Variants in OSBPL2 observed in about 807,000 individuals in gnomAD.
OSBPL2 encodes oxysterol binding protein like 2.
In OSBPL2, 18 loss-of-function variants were observed where a neutral mutation model predicts 58.4. The observed-to-expected ratio is 0.31, with a 90% CI of 0.21 to 0.46. The LOEUF (loss-of-function observed/expected upper bound fraction) is 0.46, where lower values mean the gene tolerates loss of function less well. Ranked by LOEUF, OSBPL2 falls within the 20% of genes least tolerant of loss-of-function variation. The pLI, the probability that OSBPL2 is intolerant of heterozygous loss-of-function variation, is 1.00. For missense variants in OSBPL2, 461 were observed against 616.5 expected, an observed-to-expected ratio of 0.75 and a Z score of 2.67; for synonymous variants, 221 against 234.1, an observed-to-expected ratio of 0.94 and a Z score of 0.51.
chr20:62,281,667 C>A (rs532070147), intron 8 of OSBPL2, 123 bp from the exon 9 acceptor site: 28 of 671,526 alleles, frequency 4.2e-5, no homozygotes, highest in South Asian at 4.0e-4. Context: ...AGGCCCACCA[C>A]ACCCATTTGC....
At chr20:62,286,519 G>C in intron 10 of OSBPL2, 64 bp from the exon 11 acceptor site, 1 of 1,560,414 alleles carries the variant, frequency 6.4e-7, no homozygotes, top group South Asian at 1.2e-5. Context: ...TCTGAGAATA[G>C]CTGTCCTCCT....
intron 11 of OSBPL2, 71 bp downstream of exon 11, chr20:62,286,782 G>GCTCT: frequency 6.5e-7 from 1 of 1,532,932 alleles, no homozygotes; most frequent in Non-Finnish European, 8.8e-7. Context: ...CAGCCCCACG[G>GCTCT]CTCTTCCCTG....
chr20:62,281,689 G>C (rs746524894), intron 8 of OSBPL2, 101 bp from the exon 9 acceptor site: 33 of 808,522 alleles, frequency 4.1e-5, no homozygotes, highest in Non-Finnish European at 6.2e-5. Context: ...GTCACCCCCC[G>C]CCTGCCCCAG....
At chr20:62,258,528 C>A (rs1258676533) in intron 2 of OSBPL2, among the ~76,000 whole-genome samples, 2 of 152,212 alleles carry the variant, frequency 1.3e-5, no homozygotes, top group African/African-American at 4.8e-5. Flanking sequence ...TCCGAGGGAG[C>A]CGACGATAGG....
At chr20:62,239,388 G>A (rs1237082113) in intron 1 of OSBPL2, among the ~76,000 whole-genome samples, 2 of 152,126 alleles carry the variant, frequency 1.3e-5, no homozygotes, top group Non-Finnish European at 2.9e-5. Context: ...CTGTTAGGTC[G>A]TCACAGCACC....
chr20:62,279,607 A>G lies in OSBPL2; in HGVS notation c.674+268A>G, dbSNP rs4925365. ...CCAGGGTCCCATGTTGCTGGGGTGC[A>G]TCCTCACGTCTGCAGTTGGAACTCA... On this transcript the variant is annotated intron_variant, in intron 7 of 13. Transcript: ENST00000313733. 513,596 of 518,650 alleles carry G rather than the reference A, an allele frequency of 0.99. 254,419 individuals carry two copies. The highest frequency in any genetic ancestry group is 1 in the Non-Finnish European group (289,690 of 290,016). The allele number at this position is 518,650 out of a possible 1,614,324, so 32.1% of individuals were successfully genotyped here. A position where few individuals can be genotyped will look rare whatever the true frequency, so the allele number is the denominator to read the frequency against.
At chr20:62,261,726 G>A (rs1283030062) in intron 3 of OSBPL2, among the ~76,000 whole-genome samples, 1 of 152,084 alleles carries the variant, frequency 6.6e-6, no homozygotes, top group African/African-American at 2.4e-5. Flanking sequence ...CTGCATCCCT[G>A]CCTTTTATTC....
chr20:62,271,980 A>T, intron 4 of OSBPL2, 145 bp from the exon 5 acceptor site: 1 of 848,736 alleles, frequency 1.2e-6, no homozygotes, highest in South Asian at 1.6e-5. Flanking sequence ...TGGGGCAGGG[A>T]GTGGCTCACC....
At chr20:62,274,736 G>C (rs1282959598) in intron 6 of OSBPL2, among the ~76,000 whole-genome samples, 1 of 152,256 alleles carries the variant, frequency 6.6e-6, no homozygotes, top group Non-Finnish European at 1.5e-5. Context: ...GAGGGGCGTG[G>C]GTGGTTATCT....
chr20:62,257,553 G>A (rs373100050), intron 2 of OSBPL2, among the ~76,000 whole-genome samples: 24 of 152,254 alleles, frequency 1.6e-4, no homozygotes, highest in African/African-American at 5.3e-4. Flanking sequence ...ACACAGCGGA[G>A]GGATTGTCAG....
At chr20:62,251,400 A>G (rs1269982538) in intron 1 of OSBPL2, among the ~76,000 whole-genome samples, 2 of 130,694 alleles carry the variant, frequency 1.5e-5, no homozygotes, top group Non-Finnish European at 3.2e-5. Context: ...TATTCATACT[A>G]TCGTGACTTT....
chr20:62,255,428 A>C (rs1980856011), intron 1 of OSBPL2, among the ~76,000 whole-genome samples: 1 of 152,114 alleles, frequency 6.6e-6, no homozygotes, highest in Admixed American at 6.5e-5. Context: ...GACTTTTCCC[A>C]AATTAATGTT....
intron 11 of OSBPL2, among the ~76,000 whole-genome samples, chr20:62,287,247 A>G (rs1296504651): frequency 2.0e-5 from 3 of 152,244 alleles, no homozygotes; most frequent in South Asian, 4.1e-4. Flanking sequence ...ATATATGGTT[A>G]TATGATAAAT....
intron 10 of OSBPL2, chr20:62,285,057 C>T (rs1168235494): frequency 6.6e-6 from 1 of 152,148 alleles, no homozygotes; most frequent in Admixed American, 6.5e-5. Context: ...AAGAGGTGTC[C>T]TATTTTCTAC....
chr20:62,291,714 C>T lies in OSBPL2; in HGVS notation c.1261C>T (p.Gln421Ter). Reference sequence around the variant, plus strand: ...TGCTTGGATCCTAGATCTGGCCAGCCAGGAGAAGGAGCGGCTGGAGGAGAA... The same window carrying T: ...TGCTTGGATCCTAGATCTGGCCAGCTAGGAGAAGGAGCGGCTGGAGGAGAA... ...MENGNMDLASQEKERLEEKQR... is the reference protein window; with the variant it reads ...MENGNMDLAS The change falls in exon 13 of 14, where the codon CAG (glutamine) becomes TAG (stop). Residue 421 changes from glutamine (Q) to a stop codon, truncating the protein, a stop_gained. Transcript: ENST00000313733. LOFTEE classifies it high-confidence loss of function. The T allele has an allele frequency of 6.2e-7, 1 of 1,613,744 alleles. No homozygotes were observed. Among genetic ancestry groups the T allele is most frequent in the Non-Finnish European group, 8.5e-7 (1 of 1,179,988 alleles).
intron 1 of OSBPL2, among the ~76,000 whole-genome samples, chr20:62,253,692 G>A (rs1204664682): frequency 6.7e-6 from 1 of 149,972 alleles, no homozygotes; most frequent in Non-Finnish European, 1.5e-5. Flanking sequence ...GAAGAGAGCG[G>A]GAGAGAGAGA....
At chr20:62,272,102 G>A (rs1032009257) in intron 4 of OSBPL2, 23 bp from the exon 5 acceptor site, 29 of 1,613,010 alleles carry the variant, frequency 1.8e-5, no homozygotes, top group Non-Finnish European at 2.4e-5. Flanking sequence ...GCAGTAACCA[G>A]CGAGTCTTCC....
chr20:62,292,807 C>G (rs1310887580), intron 13 of OSBPL2, among the ~76,000 whole-genome samples: 1 of 151,868 alleles, frequency 6.6e-6, no homozygotes, highest in South Asian at 2.1e-4. Context: ...TGATACTAGG[C>G]TTTGAATGGT....
At position 62,277,000 on chromosome 20, in the gene OSBPL2, G is replaced by A. The variant is rs565107315; in HGVS notation, c.492-2157G>A. Among the ~76,000 whole-genome samples, 5 of 152,338 alleles carry A rather than the reference G, an allele frequency of 3.3e-5. No homozygotes were observed. In the South Asian group the frequency reaches 8.3e-4, roughly 25 times the overall value. On this transcript the variant is annotated intron_variant, in intron 6 of 13. Coordinates refer to ENST00000313733, the MANE Select transcript of OSBPL2 (RefSeq NM_144498.4). ...GTGGTGGCTCACGCCTGTAATCCCA[G>A]CACTTTGAGAGGTTGAGGTAGGCAG...
Sources: gnomAD v4.1 joint callset for allele counts (sites outside exome capture counted in the v4.1 genomes callset) on GRCh38, gnomAD v4.1.1 for gene constraint, MANE v1.5 for transcripts, NCBI Gene and HGNC (gene_info 2026-07-23, HGNC 2026-07-21) for gene names.